MARCHF10: variants seen among roughly 807,000 people sequenced by gnomAD.
The protein encoded by MARCHF10 is membrane associated ring-CH-type finger 10.
Under a neutral mutation model 76.2 loss-of-function variants are expected in MARCHF10, and 64 were observed. The ratio of observed to expected loss-of-function variants is 0.84; its 90% CI spans 0.69 to 1.03. The LOEUF (loss-of-function observed/expected upper bound fraction) is 1.03. MARCHF10 is among the 50% of genes least tolerant of loss of function. MARCHF10 has a pLI of 0.00. For synonymous variants in MARCHF10, 340 were observed against 357.5 expected (o/e 0.95, Z 0.55); for missense variants, 875 against 958.0 (o/e 0.91, Z 1.14).
chr17:62,799,000 C>G (rs2093030964), intron 2 of MARCHF10, among the ~76,000 whole-genome samples: 1 of 152,180 alleles, frequency 6.6e-6, no homozygotes, highest in Non-Finnish European at 1.5e-5. Flanking sequence ...ACCTGCCGGC[C>G]TTGGGGTCTT....
chr17:62,799,373 A>C (rs1006144402), intron 2 of MARCHF10, among the ~76,000 whole-genome samples: 1 of 152,180 alleles, frequency 6.6e-6, no homozygotes, highest in Non-Finnish European at 1.5e-5. Context: ...CATATACCGC[A>C]GCCAGAGTGA....
chr17:62,701,341 G>T lies in MARCHF10; in HGVS notation c.*362C>A. 1 of 292,716 alleles carries T rather than the reference G, an allele frequency of 3.4e-6. No individual in the cohort carries two copies. Among genetic ancestry groups the T allele is most frequent in the South Asian group, 5.4e-5 (1 of 18,382 alleles). The allele number at this position is 292,716 out of a possible 1,614,324, so 18.1% of individuals were successfully genotyped here. A position where few individuals can be genotyped will look rare whatever the true frequency, so the allele number is the denominator to read the frequency against. ...GGAGAATAATGTCAGTTTACTGAATGAATACATGGCTCGAGTCCATTCAGG... is the reference window on the plus strand; with the variant it reads ...GGAGAATAATGTCAGTTTACTGAATTAATACATGGCTCGAGTCCATTCAGG... On this transcript the variant is annotated 3_prime_UTR_variant, in exon 11 of 11. Coordinates refer to ENST00000311269, the MANE Select transcript of MARCHF10 (RefSeq NM_152598.4).
intron 3 of MARCHF10, 86 bp from the exon 4 acceptor site, chr17:62,760,092 G>A: frequency 9.1e-7 from 1 of 1,098,010 alleles, no homozygotes; most frequent in Non-Finnish European, 1.4e-6. Flanking sequence ...GGCAAATGCA[G>A]TGACCCTCTC....
In MARCHF10 at chr17:62,736,707, C is replaced by T. The variant is rs776019063; in HGVS notation, c.1161G>A (p.Glu387=). 5 of 1,614,058 alleles carry T rather than the reference C, an allele frequency of 3.1e-6. No homozygotes were observed. In the African/African-American group the frequency reaches 5.3e-5, roughly 17 times the overall value. ...CATTTTCACTGCCACCTCTGTCCTT[C>T]TCTGTAGCAGATTCCCTATCAGGCA... ...PGLPDRESAT[E]KDRGGSENAK... is the part of the protein sequence containing the mutation. The change falls in exon 6 of 11, where the codon GAG becomes GAA. Residue 387 remains glutamate, a synonymous_variant. Transcript: ENST00000311269.
At chr17:62,803,716 A>G (rs1226139120) in intron 1 of MARCHF10, among the ~76,000 whole-genome samples, 1 of 152,042 alleles carries the variant, frequency 6.6e-6, no homozygotes, top group South Asian at 2.1e-4. Flanking sequence ...AGGTTTCACC[A>G]TATCGGCCAG....
chr17:62,804,254 C>T (rs764147802), intron 1 of MARCHF10, among the ~76,000 whole-genome samples: 5 of 152,052 alleles, frequency 3.3e-5, no homozygotes, highest in African/African-American at 7.2e-5. Context: ...GTGCGGCAAA[C>T]GGAGATGTCA....
At chr17:62,744,184 C>T (rs890508621) in intron 5 of MARCHF10, among the ~76,000 whole-genome samples, 192 bp downstream of exon 5, 2 of 152,112 alleles carry the variant, frequency 1.3e-5, no homozygotes, top group Non-Finnish European at 2.9e-5. Flanking sequence ...CCACCAGCCT[C>T]TCTTGGAGGA....
chr17:62,779,317 G>A (rs1568198486), intron 3 of MARCHF10, among the ~76,000 whole-genome samples: 2 of 152,202 alleles, frequency 1.3e-5, no homozygotes, highest in Admixed American at 6.6e-5. Context: ...CTGAGAATGG[G>A]CAAGCAGAAA....
intron 2 of MARCHF10, among the ~76,000 whole-genome samples, chr17:62,792,719 C>CACA (rs2092874030): frequency 6.7e-6 from 1 of 149,254 alleles, no homozygotes; most frequent in African/African-American, 2.5e-5. Context: ...CAACCATCAC[C>CACA]ACCACCACCA....
intron 8 of MARCHF10, among the ~76,000 whole-genome samples, chr17:62,720,239 T>C (rs191423722): frequency 4.6e-5 from 7 of 152,352 alleles, no homozygotes; most frequent in African/African-American, 1.2e-4. Context: ...TAATTTTTTC[T>C]TGGTAGCCAG....
intron 8 of MARCHF10, among the ~76,000 whole-genome samples, chr17:62,716,367 A>G (rs2090195707): frequency 6.6e-6 from 1 of 151,898 alleles, no homozygotes; most frequent in East Asian, 1.9e-4. Context: ...CAAGGTGGGA[A>G]GATCACTTGA....
intron 3 of MARCHF10, among the ~76,000 whole-genome samples, chr17:62,777,252 T>C (rs557042014): frequency 6.6e-6 from 1 of 152,160 alleles, no homozygotes; most frequent in African/African-American, 2.4e-5. Context: ...GAGGACTAGA[T>C]AAAACGGGGA....
At chr17:62,746,409 T>C (rs1281166579) in intron 4 of MARCHF10, among the ~76,000 whole-genome samples, 2 of 151,848 alleles carry the variant, frequency 1.3e-5, no homozygotes, top group African/African-American at 2.4e-5. Context: ...TTAGACATGA[T>C]TTTGCTGATC....
intron 4 of MARCHF10, among the ~76,000 whole-genome samples, chr17:62,759,234 C>T (rs1357134453): frequency 2.6e-5 from 4 of 152,182 alleles, no homozygotes; most frequent in Non-Finnish European, 5.9e-5. Context: ...GGCCAAATGC[C>T]TTTATCCCCA....
intron 6 of MARCHF10, among the ~76,000 whole-genome samples, chr17:62,734,380 T>C (rs1401484612): frequency 6.6e-6 from 1 of 152,070 alleles, no homozygotes; most frequent in East Asian, 1.9e-4. Context: ...TAAGGAATGT[T>C]CTGTTAGCTG....
intron 7 of MARCHF10, among the ~76,000 whole-genome samples, chr17:62,724,292 T>C (rs2090645935): frequency 6.6e-6 from 1 of 151,886 alleles, no homozygotes; most frequent in Non-Finnish European, 1.5e-5. Context: ...CCGATGTGGT[T>C]GTATTTAGGT....
At chr17:62,787,545 C>G (rs764799223) in intron 3 of MARCHF10, among the ~76,000 whole-genome samples, 3 of 152,156 alleles carry the variant, frequency 2.0e-5, no homozygotes, top group Non-Finnish European at 4.4e-5. Flanking sequence ...GTATTGAGCT[C>G]TTACATAGGG....
intron 3 of MARCHF10, among the ~76,000 whole-genome samples, chr17:62,762,889 G>A (rs796386454): frequency 3.9e-5 from 6 of 152,302 alleles, no homozygotes; most frequent in Non-Finnish European, 5.9e-5. Context: ...AGGGAGGATC[G>A]TCCTTGAGTG....
chr17:62,757,906 G>T (rs117480584), intron 4 of MARCHF10, among the ~76,000 whole-genome samples: 4,484 of 152,042 alleles, frequency 0.029, 78 homozygotes, highest in Middle Eastern at 0.048. Flanking sequence ...CCTCCTTTTT[G>T]TCAGTGCTAT....
Sources: gnomAD v4.1 joint callset for allele counts (sites outside exome capture counted in the v4.1 genomes callset) on GRCh38, gnomAD v4.1.1 for gene constraint, MANE v1.5 for transcripts, NCBI Gene and HGNC (gene_info 2026-07-23, HGNC 2026-07-21) for gene names.